NRP1: variants seen among roughly 807,000 people sequenced by gnomAD.
NRP1 encodes neuropilin-1.
In NRP1, 35 loss-of-function variants were observed where a neutral mutation model predicts 106.7. The observed-to-expected ratio is 0.33, with a 90% confidence interval of 0.25 to 0.43. The LOEUF (loss-of-function observed/expected upper bound fraction) is 0.43. Among genes scored for constraint, NRP1 ranks in the 20% least tolerant of loss-of-function variants. NRP1 has a pLI of 1.00. For synonymous variants in NRP1, 437 were observed against 417.9 expected (o/e 1.05, Z -0.56); for missense variants, 1,024 against 1,170.4 (o/e 0.87, Z 1.83).
At chr10:33,263,552 T>C in intron 4 of NRP1, 94 bp downstream of exon 4, 1 of 876,798 alleles carries the variant, frequency 1.1e-6, no homozygotes, top group South Asian at 1.7e-5. Context: ...TTGAGGTTTT[T>C]TTTAATGATT....
intron 8 of NRP1, among the ~76,000 whole-genome samples, chr10:33,219,290 G>A (rs1031274961): frequency 6.6e-6 from 1 of 152,174 alleles, no homozygotes; most frequent in Non-Finnish European, 1.5e-5. Context: ...GAGTCTCAAT[G>A]TCTTATCCAT....
chr10:33,205,025 C>A (rs564839066), intron 10 of NRP1, among the ~76,000 whole-genome samples: 51 of 152,324 alleles, frequency 3.3e-4, no homozygotes, highest in African/African-American at 1.2e-3. Context: ...AGCCACCACA[C>A]CCGGCCTGTG....
chr10:33,331,626 G>A (rs1848293218), intron 1 of NRP1, among the ~76,000 whole-genome samples: 1 of 152,208 alleles, frequency 6.6e-6, no homozygotes, highest in Admixed American at 6.5e-5. Context: ...CCACCACACA[G>A]GTCTGGGTAT....
chr10:33,264,374 A>G (rs1407926710), intron 3 of NRP1, among the ~76,000 whole-genome samples: 1 of 152,210 alleles, frequency 6.6e-6, no homozygotes, highest in African/African-American at 2.4e-5. Flanking sequence ...CTCTTTGACA[A>G]ACGAAATGTG....
intron 1 of NRP1, among the ~76,000 whole-genome samples, chr10:33,333,737 C>T (rs1848437469): frequency 6.6e-6 from 1 of 152,170 alleles, no homozygotes; most frequent in Non-Finnish European, 1.5e-5. Context: ...TTCAGATATC[C>T]TGGTGCCTTA....
At chr10:33,244,756 A>G (rs1302506064) in intron 6 of NRP1, among the ~76,000 whole-genome samples, 2 of 152,170 alleles carry the variant, frequency 1.3e-5, no homozygotes, top group East Asian at 3.8e-4. Context: ...TAACCCAAGA[A>G]CTCTCTGATT....
chr10:33,186,364 A>G lies in NRP1; in HGVS notation c.2187T>C (p.Ser729=). Residue 729 remains serine, a synonymous_variant, in exon 14 of 17, where the codon TCT becomes TCC. Coordinates refer to ENST00000374867, the MANE Select transcript of NRP1 (RefSeq NM_003873.7). ...CCCTGAGTGTGCCGACGTGGGACCC[A>G]GACATGTGATACCAGAAGGTCATGC... is the stretch of plus-strand genomic sequence containing the variant. The part of the protein sequence containing the change: ...AHCMTFWYHM[S]GSHVGTLRVK... 16 of 1,614,126 alleles carry G rather than the reference A, an allele frequency of 9.9e-6. No individual in the cohort carries two copies. The highest frequency in any genetic ancestry group is 1.4e-5 in the Non-Finnish European group (16 of 1,180,028).
intron 2 of NRP1, among the ~76,000 whole-genome samples, chr10:33,317,831 A>T (rs1847147856): frequency 6.6e-6 from 1 of 152,244 alleles, no homozygotes; most frequent in Non-Finnish European, 1.5e-5. Context: ...TAACTGGTCA[A>T]CTTACTAGAA....
At chr10:33,329,194 A>G (rs1389886375) in intron 2 of NRP1, among the ~76,000 whole-genome samples, 6 of 152,198 alleles carry the variant, frequency 3.9e-5, no homozygotes, top group Admixed American at 6.5e-5. Flanking sequence ...CTGGAACACT[A>G]TTAATGGTAA....
chr10:33,213,340 A>G (rs1208268913), intron 9 of NRP1, 46 bp downstream of exon 9: 1 of 1,614,178 alleles, frequency 6.2e-7, no homozygotes, highest in South Asian at 1.1e-5. Context: ...CCTTGATTGA[A>G]GTCAAGGACA....
At chr10:33,243,834 A>T (rs963895269) in intron 6 of NRP1, among the ~76,000 whole-genome samples, 1 of 151,030 alleles carries the variant, frequency 6.6e-6, no homozygotes, top group African/African-American at 2.4e-5. Context: ...AATTTAATCT[A>T]CTTTCCTCTC....
chr10:33,209,242 T>C (rs1838081547), intron 9 of NRP1, among the ~76,000 whole-genome samples: 1 of 151,770 alleles, frequency 6.6e-6, no homozygotes, highest in African/African-American at 2.4e-5. Flanking sequence ...TTTAAAAACA[T>C]GTTACATTTA....
chr10:33,285,467 G>A (rs568007465), intron 2 of NRP1, among the ~76,000 whole-genome samples: 12 of 152,264 alleles, frequency 7.9e-5, no homozygotes, highest in African/African-American at 2.9e-4. Context: ...GTGATGATGA[G>A]AAATTTTTTC....
intron 10 of NRP1, among the ~76,000 whole-genome samples, chr10:33,206,629 T>C (rs1837806315): frequency 6.6e-6 from 1 of 152,240 alleles, no homozygotes; most frequent in African/African-American, 2.4e-5. Flanking sequence ...TCAAAACAAC[T>C]GTGAGCATAT....
chr10:33,213,708 C>A lies in NRP1; in HGVS notation c.1292G>T (p.Cys431Phe). The A allele has an allele frequency of 6.3e-7, 1 of 1,581,222 alleles. No homozygotes were observed. The highest frequency in any genetic ancestry group is 8.6e-7 in the Non-Finnish European group (1 of 1,162,370). ...VYGCKITDYP[C>F]SGMLGMVSGL... ...AGACACCATACCCAACATTCCAGAG[C>A]AAGGATAATCTGGGAAGTGAAATGA... Residue 431 changes from cysteine (C) to phenylalanine (F), a missense_variant, in exon 9 of 17, where the codon TGC (cysteine) becomes TTC (phenylalanine). Transcript: ENST00000374867.
chr10:33,235,559 C>A (rs574478396), intron 6 of NRP1, among the ~76,000 whole-genome samples: 2 of 152,218 alleles, frequency 1.3e-5, no homozygotes, highest in Non-Finnish European at 2.9e-5. Flanking sequence ...ATGCATTGGA[C>A]GCAAAACCTG....
chr10:33,292,566 C>A (rs1461449721), intron 2 of NRP1, among the ~76,000 whole-genome samples: 3 of 152,164 alleles, frequency 2.0e-5, no homozygotes, highest in African/African-American at 4.8e-5. Context: ...GACACTGAAG[C>A]CCAGCAGGTG....
At chr10:33,194,472 T>C in intron 12 of NRP1, 1 of 255,336 alleles carries the variant, frequency 3.9e-6, no homozygotes, top group South Asian at 4.9e-5. Flanking sequence ...GATGATACCA[T>C]AAAATGTAGG....
chr10:33,188,012 C>T (rs1000377766), intron 13 of NRP1, among the ~76,000 whole-genome samples: 1 of 152,148 alleles, frequency 6.6e-6, no homozygotes, highest in Non-Finnish European at 1.5e-5. Context: ...GAATGTCCCT[C>T]TCGCTCTCTG....
Sources: allele counts gnomAD v4.1 joint callset (sites outside exome capture counted in the v4.1 genomes callset), GRCh38; gene constraint gnomAD v4.1.1; transcripts MANE v1.5; gene names NCBI Gene and HGNC (gene_info 2026-07-23, HGNC 2026-07-21).